The following SPECC1 variants were observed in gnomAD, a reference collection of about 807,000 sequenced individuals.
SPECC1 encodes sperm antigen with calponin homology and coiled-coil domains 1.
SPECC1 carries 62 observed loss-of-function variants against 104.1 expected under a neutral mutation model. That is an observed-to-expected ratio of 0.60 (90% confidence interval 0.49 to 0.74). The LOEUF (loss-of-function observed/expected upper bound fraction) is 0.74, where lower values mean the gene tolerates loss of function less well. SPECC1 is among the 30% of genes least tolerant of loss of function. The pLI, the probability that SPECC1 is intolerant of heterozygous loss-of-function variation, is 0.00. For synonymous variants in SPECC1, 513 were observed against 501.6 expected (o/e 1.02, Z -0.30); for missense variants, 1,306 against 1,310.5 (o/e 1.00, Z 0.05).
rs117886949 is a variant in SPECC1 at position 20,142,369 on chromosome 17, C to T, written c.283+31807C>T. Among the ~76,000 whole-genome samples, 1,172 of 152,228 alleles carry T rather than the reference C, an allele frequency of 7.7e-3. 7 individuals are homozygous for T. The highest frequency in any genetic ancestry group is 8.9e-3 in the Non-Finnish European group (603 of 68,010). On this transcript the variant is annotated intron_variant, in intron 3 of 14. Coordinates refer to ENST00000395527, the MANE Select transcript of SPECC1 (RefSeq NM_001243439.2). ...GAACTTGAAAAGATATTTGTGCGCCCGTGTTCTTAGCAGCATTGTTTGCAA... is the reference window on the plus strand; with the variant it reads ...GAACTTGAAAAGATATTTGTGCGCCTGTGTTCTTAGCAGCATTGTTTGCAA...
At chr17:20,195,074 G>C (rs2035940747) in intron 3 of SPECC1, among the ~76,000 whole-genome samples, 1 of 152,154 alleles carries the variant, frequency 6.6e-6, no homozygotes, top group South Asian at 2.1e-4. Flanking sequence ...GTGAATTTAG[G>C]TAACTCCTGT....
At chr17:20,021,508 G>A (rs1597574714) in intron 1 of SPECC1, among the ~76,000 whole-genome samples, 2 of 151,708 alleles carry the variant, frequency 1.3e-5, no homozygotes, top group African/African-American at 4.8e-5. Flanking sequence ...TTATGGACTT[G>A]TGTGAGAATT....
At chr17:20,198,654 C>A (rs927986388) in intron 3 of SPECC1, among the ~76,000 whole-genome samples, 2 of 152,206 alleles carry the variant, frequency 1.3e-5, no homozygotes, top group Non-Finnish European at 2.9e-5. Flanking sequence ...CCTCTAACCC[C>A]CTAAATCTTA....
At chr17:20,017,801 T>G (rs2044206997) in intron 1 of SPECC1, among the ~76,000 whole-genome samples, 1 of 152,238 alleles carries the variant, frequency 6.6e-6, no homozygotes, top group Non-Finnish European at 1.5e-5. Context: ...TTGCTCTTTA[T>G]AATGTCCCCT....
intron 1 of SPECC1, among the ~76,000 whole-genome samples, chr17:20,034,063 TTAAA>T (rs1370369612): frequency 3.3e-5 from 5 of 152,148 alleles, no homozygotes; most frequent in African/African-American, 1.2e-4. Flanking sequence ...TCTGGCTCCT[TTAAA>T]TAGTTTCTAA....
intron 3 of SPECC1, among the ~76,000 whole-genome samples, chr17:20,195,353 C>T (rs530975321): frequency 7.9e-4 from 112 of 141,714 alleles, no homozygotes; most frequent in African/African-American, 1.6e-3. Flanking sequence ...TTTTACATAA[C>T]AATTATAATT....
At chr17:20,266,842 C>T (rs1253180018) in intron 12 of SPECC1, among the ~76,000 whole-genome samples, 1 of 152,200 alleles carries the variant, frequency 6.6e-6, no homozygotes, top group Non-Finnish European at 1.5e-5. Flanking sequence ...GCTCCCCTCT[C>T]TTGAAGGGCT....
chr17:20,187,043 A>ATT (rs144994400), intron 3 of SPECC1, among the ~76,000 whole-genome samples: 1 of 149,412 alleles, frequency 6.7e-6, no homozygotes, highest in Non-Finnish European at 1.5e-5. Context: ...TGAACTTTGG[A>ATT]TTTTTTTTTT....
intron 1 of SPECC1, among the ~76,000 whole-genome samples, chr17:20,063,085 G>A (rs936211994): frequency 1.3e-5 from 2 of 152,168 alleles, no homozygotes; most frequent in African/African-American, 4.8e-5. Flanking sequence ...CAAGAGCCAT[G>A]AAAGAGACTA....
chr17:20,260,083 T>A (rs2039971959), intron 11 of SPECC1, 109 bp from the exon 12 acceptor site: 3 of 755,464 alleles, frequency 4.0e-6, no homozygotes, highest in Non-Finnish European at 4.1e-6. Context: ...AGAATCTTGC[T>A]GGATAAACTA....
chr17:20,039,623 T>A (rs1444735771), intron 1 of SPECC1, among the ~76,000 whole-genome samples: 1 of 152,160 alleles, frequency 6.6e-6, no homozygotes, highest in African/African-American at 2.4e-5. Flanking sequence ...GGCGCAATCT[T>A]GGCCCACTGC....
intron 1 of SPECC1, among the ~76,000 whole-genome samples, chr17:20,043,488 G>A (rs2045414652): frequency 6.6e-6 from 1 of 152,080 alleles, no homozygotes; most frequent in South Asian, 2.1e-4. Flanking sequence ...ACATCCTTTT[G>A]TTCTCTTTTT....
intron 5 of SPECC1, among the ~76,000 whole-genome samples, 195 bp downstream of exon 5, chr17:20,227,815 T>C (rs1283334947): frequency 6.6e-6 from 1 of 152,144 alleles, no homozygotes; most frequent in African/African-American, 2.4e-5. Flanking sequence ...CTCAGGAGGC[T>C]GAGGCAGGAG....
At chr17:20,225,169 G>A (rs2038124441) in intron 4 of SPECC1, among the ~76,000 whole-genome samples, 1 of 152,184 alleles carries the variant, frequency 6.6e-6, no homozygotes, top group African/African-American at 2.4e-5. Flanking sequence ...CAAGTTGCAA[G>A]ACAAAGTCCT....
At chr17:20,165,233 G>T (rs1044756485) in intron 3 of SPECC1, among the ~76,000 whole-genome samples, 2 of 151,588 alleles carry the variant, frequency 1.3e-5, no homozygotes, top group Non-Finnish European at 1.5e-5. Context: ...AGTGTGTGTT[G>T]TTCCCCCCAC....
At position 20,317,869 on chromosome 17, in the gene SPECC1, C is replaced by T. The variant is rs557715188; in HGVS notation, c.*3804C>T. ...GCTAGTAGGGCTCCCCCAAGCCATC[C>T]GCTGGCGTGTGGAGGTGCAGGACCT... On this transcript the variant is annotated 3_prime_UTR_variant, in exon 15 of 15. Transcript: ENST00000395527. 7.1e-5 allele frequency: 16 copies of T among 226,310 alleles called. No individual in the cohort carries two copies. The highest frequency in any genetic ancestry group is 1.3e-4 in the East Asian group (2 of 15,670). 14.0% of individuals were successfully genotyped at this position (226,310 alleles called of 1,614,324 possible). A position where few individuals can be genotyped will look rare whatever the true frequency, so the allele number is the denominator to read the frequency against.
intron 1 of SPECC1, among the ~76,000 whole-genome samples, chr17:20,037,624 C>T (rs2045145261): frequency 6.6e-6 from 1 of 151,978 alleles, no homozygotes; most frequent in African/African-American, 2.4e-5. Context: ...GTTCCCTTCT[C>T]TTCAGTTTTC....
chr17:20,093,045 T>A lies in SPECC1; in HGVS notation c.-21-3586T>A, dbSNP rs1225042497. ...ATTTGGGCAAGTTGCTTAACCTCCC[T>A]TGGGGAAATGAAGTTTCCCCACCTG... is the stretch of plus-strand genomic sequence containing the variant. On this transcript the variant is annotated intron_variant, in intron 1 of 14. Coordinates refer to ENST00000395527, the MANE Select transcript of SPECC1 (RefSeq NM_001243439.2). Among the ~76,000 whole-genome samples the A allele has an allele frequency of 2.7e-4, 41 of 152,246 alleles. 1 individual carries two copies.
At position 20,205,925 on chromosome 17, in the gene SPECC1, A is replaced by G; in HGVS notation, c.1863+13A>G. ...TCTGCTGGCCAAGGTGAGAAGAGAC[A>G]GCTCTTTACTGGTATTTGCTCATCC... On this transcript the variant is annotated intron_variant, in intron 4 of 14. Transcript: ENST00000395527. 1 of 1,595,658 alleles carries G rather than the reference A, an allele frequency of 6.3e-7. No individual in the cohort carries two copies. The highest frequency in any genetic ancestry group is 8.5e-7 in the Non-Finnish European group (1 of 1,174,836).
Sources: allele counts gnomAD v4.1 joint callset (sites outside exome capture counted in the v4.1 genomes callset), GRCh38; gene constraint gnomAD v4.1.1; transcripts MANE v1.5; gene names NCBI Gene and HGNC (gene_info 2026-07-23, HGNC 2026-07-21).